PRDM5: variants seen among roughly 807,000 people sequenced by gnomAD.
PRDM5 encodes the protein PR/SET domain 5.
A neutral mutation model predicts 81.2 loss-of-function variants in PRDM5; 56 were observed. The ratio of observed to expected loss-of-function variants is 0.69; its 90% CI spans 0.56 to 0.86. The LOEUF (loss-of-function observed/expected upper bound fraction) is 0.86. Among genes scored for constraint, PRDM5 ranks in the 40% least tolerant of loss-of-function variants. PRDM5 has a pLI of 0.00. For missense variants in PRDM5, 697 were observed against 770.1 expected, an observed-to-expected ratio of 0.91 and a Z score of 1.12; for synonymous variants, 267 against 256.4, an observed-to-expected ratio of 1.04 and a Z score of -0.39.
At chr4:120,788,753 T>C (rs570958403) in intron 10 of PRDM5, among the ~76,000 whole-genome samples, 1 of 152,206 alleles carries the variant, frequency 6.6e-6, no homozygotes, top group African/African-American at 2.4e-5. Context: ...CTAAAGCCAA[T>C]GACATATTTT....
chr4:120,721,051 T>A (rs1738524213), intron 14 of PRDM5, among the ~76,000 whole-genome samples: 1 of 152,170 alleles, frequency 6.6e-6, no homozygotes, highest in Non-Finnish European at 1.5e-5. Context: ...GAATAGTGTG[T>A]ATAAATGAAA....
intron 13 of PRDM5, among the ~76,000 whole-genome samples, chr4:120,769,952 C>T (rs934169347): frequency 5.9e-5 from 9 of 151,632 alleles, no homozygotes; most frequent in African/African-American, 1.9e-4. Context: ...ATTCTCTGGT[C>T]CACTTAAGTG....
At chr4:120,864,928 A>C (rs1200226047) in intron 2 of PRDM5, among the ~76,000 whole-genome samples, 1 of 152,138 alleles carries the variant, frequency 6.6e-6, no homozygotes, top group African/African-American at 2.4e-5. Context: ...TGCTGCCAGG[A>C]GGTAGGATCA....
intron 3 of PRDM5, among the ~76,000 whole-genome samples, chr4:120,831,298 A>G (rs1756681396): frequency 1.3e-5 from 2 of 152,006 alleles, no homozygotes; most frequent in Admixed American, 6.6e-5. Flanking sequence ...TCTGCATACC[A>G]CAAAATCTAC....
At chr4:120,823,015 C>A (rs540206599) in intron 3 of PRDM5, among the ~76,000 whole-genome samples, 10 of 152,176 alleles carry the variant, frequency 6.6e-5, no homozygotes, top group African/African-American at 2.4e-4. Context: ...AGACACTAAG[C>A]AAGAGGTCTC....
intron 14 of PRDM5, among the ~76,000 whole-genome samples, chr4:120,716,954 T>G (rs1196360179): frequency 7.9e-5 from 12 of 151,108 alleles, no homozygotes; most frequent in Non-Finnish European, 1.5e-4. Context: ...GCCAAAGAAA[T>G]ACCAATCAGA....
chr4:120,767,363 C>G (rs4833672), intron 13 of PRDM5, among the ~76,000 whole-genome samples: 6,784 of 152,178 alleles, frequency 0.045, 310 homozygotes, highest in Middle Eastern at 0.14. Flanking sequence ...TTGAAAAACG[C>G]CAACTGGCAA....
At chr4:120,726,921 T>C (rs1356468582) in intron 14 of PRDM5, among the ~76,000 whole-genome samples, 1 of 152,240 alleles carries the variant, frequency 6.6e-6, no homozygotes. Context: ...ACTCATGCTC[T>C]GCCAGTGGGG....
chr4:120,824,526 C>A lies in PRDM5; in HGVS notation c.301-3181G>T, dbSNP rs148932515. On this transcript the variant is annotated intron_variant, in intron 3 of 15. Coordinates refer to ENST00000264808, the MANE Select transcript of PRDM5 (RefSeq NM_018699.4). ...TGCTCAAAAGCAAATATTCCCCAGC[C>A]ATCAGTTTTCAAAGCATTATAATTT... 3.1e-3 allele frequency among the ~76,000 whole-genome samples: 471 copies of A among 152,280 alleles called. 3 individuals are homozygous for A. The highest frequency in any genetic ancestry group is 0.011 in the African/African-American group (464 of 41,562).
intron 13 of PRDM5, among the ~76,000 whole-genome samples, chr4:120,756,931 T>C (rs1744832505): frequency 6.6e-6 from 1 of 152,212 alleles, no homozygotes; most frequent in African/African-American, 2.4e-5. Context: ...GATAATTCAA[T>C]ATTCATAGCT....
chr4:120,729,422 C>A (rs2149080162), intron 14 of PRDM5, among the ~76,000 whole-genome samples: 1 of 152,234 alleles, frequency 6.6e-6, no homozygotes, highest in South Asian at 2.1e-4. Context: ...GAGATGAAGG[C>A]AGCATGACTG....
chr4:120,768,636 A>G (rs552736318), intron 13 of PRDM5, among the ~76,000 whole-genome samples: 3 of 152,228 alleles, frequency 2.0e-5, no homozygotes, highest in Non-Finnish European at 2.9e-5. Context: ...AATGTACTAC[A>G]TAATTGTTTG....
At chr4:120,839,020 A>G in intron 3 of PRDM5, 1 of 558,160 alleles carries the variant, frequency 1.8e-6, no homozygotes, top group East Asian at 2.8e-5. Context: ...GGACAGGCAC[A>G]CCGCAAGTAG....
At chr4:120,812,756 C>A in intron 7 of PRDM5, 1 of 400,514 alleles carries the variant, frequency 2.5e-6, no homozygotes, top group South Asian at 1.8e-5. Context: ...ATCTTCACAG[C>A]TTCATATACC....
chr4:120,690,224 T>C (rs2148977791), downstream of PRDM5, among the ~76,000 whole-genome samples: 2 of 152,174 alleles, frequency 1.3e-5, no homozygotes, highest in East Asian at 3.9e-4. Flanking sequence ...AAGGAATGAA[T>C]AGATAATATA....
intron 14 of PRDM5, among the ~76,000 whole-genome samples, chr4:120,742,842 T>G (rs1446942546): frequency 6.6e-6 from 1 of 152,072 alleles, no homozygotes; most frequent in Non-Finnish European, 1.5e-5. Flanking sequence ...GGAACCAAGT[T>G]GGAAAACACT....
intron 3 of PRDM5, 105 bp from the exon 4 acceptor site, chr4:120,821,450 T>C (rs1264966431): frequency 1.3e-5 from 15 of 1,134,690 alleles, no homozygotes; most frequent in Non-Finnish European, 1.9e-5. Context: ...CATGAAAAGT[T>C]ATTACTTTTT....
intron 15 of PRDM5, among the ~76,000 whole-genome samples, chr4:120,708,546 T>G (rs1736514375): frequency 6.6e-6 from 1 of 152,104 alleles, no homozygotes; most frequent in Non-Finnish European, 1.5e-5. Context: ...GAAAATATTT[T>G]GGAGTTAGAG....
intron 2 of PRDM5, among the ~76,000 whole-genome samples, chr4:120,863,615 G>T (rs936004294): frequency 6.6e-6 from 1 of 152,032 alleles, no homozygotes; most frequent in Non-Finnish European, 1.5e-5. Flanking sequence ...TTAAAAAAAT[G>T]AGAAAAATCA....
Sources: gnomAD v4.1 joint callset for allele counts (sites outside exome capture counted in the v4.1 genomes callset) on GRCh38, gnomAD v4.1.1 for gene constraint, MANE v1.5 for transcripts, NCBI Gene and HGNC (gene_info 2026-07-23, HGNC 2026-07-21) for gene names.